SI: variants seen among roughly 807,000 people sequenced by gnomAD.
SI encodes sucrase-isomaltase, also known as sucrase-isomaltase, intestinal.
Under a neutral mutation model 253.3 loss-of-function variants are expected in SI, and 235 were observed. The ratio of observed to expected loss-of-function variants is 0.93; its 90% CI spans 0.83 to 1.03. SI has a LOEUF of 1.03. Ranked by LOEUF, SI falls within the 50% of genes least tolerant of loss-of-function variation. The pLI, the probability that SI is intolerant of heterozygous loss-of-function variation, is 0.00. For missense variants in SI, 2,442 were observed against 2,211.1 expected, an observed-to-expected ratio of 1.10 and a Z score of -2.09; for synonymous variants, 819 against 712.0, an observed-to-expected ratio of 1.15 and a Z score of -2.39.
chr3:165,017,251 G>T (rs1451330523), intron 31 of SI, among the ~76,000 whole-genome samples: 1 of 151,890 alleles, frequency 6.6e-6, no homozygotes, highest in Non-Finnish European at 1.5e-5. Context: ...AGAGAACATA[G>T]TGACTGCCTG....
intron 22 of SI, among the ~76,000 whole-genome samples, chr3:165,035,438 T>C (rs539741584): frequency 4.6e-5 from 7 of 152,032 alleles, no homozygotes; most frequent in South Asian, 4.1e-4. Context: ...ATGTAATTTA[T>C]TTAAATGAAT....
intron 19 of SI, among the ~76,000 whole-genome samples, chr3:165,039,576 G>T (rs536796228): frequency 8.6e-5 from 13 of 151,738 alleles, no homozygotes; most frequent in Non-Finnish European, 1.8e-4. Flanking sequence ...CAATGTATAT[G>T]TCTACTTAAA....
chr3:165,002,639 T>C (rs754279564), intron 37 of SI, among the ~76,000 whole-genome samples: 1 of 151,870 alleles, frequency 6.6e-6, no homozygotes. Context: ...GACTTTACTC[T>C]TCATAATTTG....
chr3:165,026,375 A>G (rs1274994538), intron 25 of SI, among the ~76,000 whole-genome samples: 3 of 151,384 alleles, frequency 2.0e-5, no homozygotes, highest in African/African-American at 7.3e-5. Flanking sequence ...TCAGCAACAC[A>G]GTAATAGTGG....
chr3:165,010,201 C>G (rs1009327407), intron 34 of SI, among the ~76,000 whole-genome samples: 39 of 151,992 alleles, frequency 2.6e-4, no homozygotes, highest in African/African-American at 9.4e-4. Flanking sequence ...CTCTTGTTGC[C>G]CAGGCTGGAG....
chr3:165,036,350 T>A, intron 22 of SI, 39 bp downstream of exon 22: 1 of 1,386,616 alleles, frequency 7.2e-7, no homozygotes, highest in Non-Finnish European at 1.0e-6. Context: ...CTTCCCATTA[T>A]CAGAGTGAAC....
At chr3:164,999,312 A>G (rs1485076815) in intron 37 of SI, among the ~76,000 whole-genome samples, 2 of 151,660 alleles carry the variant, frequency 1.3e-5, no homozygotes, top group South Asian at 2.1e-4. Flanking sequence ...GCATGTTAAA[A>G]TATGTTCTAG....
At chr3:165,086,620 A>G in the SI span, among the ~76,000 whole-genome samples, 813 of 152,332 alleles carry the variant, frequency 5.3e-3, 7 homozygotes, top group South Asian at 0.032. Context: ...TTTATAAGAA[A>G]ACATTTGAAT....
At chr3:165,079,801 A>G (rs370332189), upstream of SI, among the ~76,000 whole-genome samples, 11 of 151,968 alleles carry the variant, frequency 7.2e-5, no homozygotes, top group South Asian at 2.1e-4. Context: ...AGATATAGAC[A>G]GAGATATAAG....
rs761082418 is a variant in SI at position 165,017,744 on chromosome 3, G to A, written c.3633+17C>T. On this transcript the variant is annotated intron_variant, in intron 30 of 47. Coordinates refer to ENST00000264382, the MANE Select transcript of SI (RefSeq NM_001041.4). The stretch of plus-strand genomic sequence containing the variant: ...ATAAAAATTTTTAATTTTTTTAAAA[G>A]AAATATGCAATCATACTTCATGGTA... 6.2e-7 allele frequency: 1 copy of A among 1,601,750 alleles called. No individual in the cohort carries two copies. The highest frequency in any genetic ancestry group is 8.5e-7 in the Non-Finnish European group (1 of 1,171,690).
intron 1 of SI, 151 bp from the exon 2 acceptor site, chr3:165,076,163 T>G: frequency 2.0e-6 from 1 of 504,242 alleles, no homozygotes; most frequent in Non-Finnish European, 3.2e-6. Flanking sequence ...ATTAAGCACT[T>G]ACTTAATAAT....
At chr3:165,082,569 ATAACAATGTGTTTCAT>A, upstream of SI, among the ~76,000 whole-genome samples, 1 of 151,948 alleles carries the variant, frequency 6.6e-6, no homozygotes, top group Non-Finnish European at 1.5e-5. Context: ...TTTTCCCTTC[ATAACAATGTGTTTCAT>A]GCTTGTAGTA....
At chr3:165,027,850 G>T (rs577338744) in intron 25 of SI, among the ~76,000 whole-genome samples, 1 of 151,464 alleles carries the variant, frequency 6.6e-6, no homozygotes, top group Non-Finnish European at 1.5e-5. Context: ...ATGGGGAAAA[G>T]TTGAAAGCAT....
intron 37 of SI, among the ~76,000 whole-genome samples, chr3:165,002,975 T>G (rs1264294258): frequency 6.6e-6 from 1 of 151,810 alleles, no homozygotes; most frequent in African/African-American, 2.4e-5. Context: ...CCATGGAAGA[T>G]TGTGCTGATT....
intron 12 of SI, among the ~76,000 whole-genome samples, chr3:165,057,406 T>G (rs111257183): frequency 1.7e-4 from 25 of 151,136 alleles, no homozygotes; most frequent in Admixed American, 4.0e-4. Context: ...GAGAGAGAGA[T>G]AGAAAGTATA....
intron 47 of SI, among the ~76,000 whole-genome samples, chr3:164,981,926 T>C (rs895883190): frequency 2.0e-5 from 3 of 152,138 alleles, no homozygotes; most frequent in Admixed American, 6.6e-5. Context: ...AATGTTTAAA[T>C]GCAGATATCT....
rs767938195 is a variant in SI at position 164,991,376 on chromosome 3, C to A, written c.5085G>T (p.Glu1695Asp). ...VRGGHILPCQEPAQNTFYSRQ... is the reference protein window; with the variant it reads ...VRGGHILPCQDPAQNTFYSRQ... The stretch of plus-strand genomic sequence containing the variant: ...ACCTGTAAAATGTGTTTTGAGCTGG[C>A]TCTTGACATGGTAGGATGTGACCAC... The change falls in exon 44 of 48, where the codon GAG becomes GAT. Residue 1695 changes from glutamate to aspartate, a missense_variant. Glu to Asp is a conservative substitution (Grantham distance 45). Coordinates refer to ENST00000264382, the MANE Select transcript of SI (RefSeq NM_001041.4). 1 of 1,613,708 alleles carries A rather than the reference C, an allele frequency of 6.2e-7. No individual in the cohort carries two copies. The highest frequency in any genetic ancestry group is 2.2e-5 in the East Asian group (1 of 44,834).
chr3:165,009,964 T>C (rs1718697960), intron 34 of SI, among the ~76,000 whole-genome samples: 1 of 152,162 alleles, frequency 6.6e-6, no homozygotes, highest in Non-Finnish European at 1.5e-5. Flanking sequence ...AACCGTGTTT[T>C]AGCAAAAGAT....
At chr3:165,038,499 G>A (rs2108214855) in intron 20 of SI, among the ~76,000 whole-genome samples, 1 of 151,186 alleles carries the variant, frequency 6.6e-6, no homozygotes, top group Non-Finnish European at 1.5e-5. Flanking sequence ...CACAAGGTCA[G>A]GAGATCGAGA....
Sources: allele counts gnomAD v4.1 joint callset (sites outside exome capture counted in the v4.1 genomes callset), GRCh38; gene constraint gnomAD v4.1.1; transcripts MANE v1.5; gene names NCBI Gene and HGNC (gene_info 2026-07-23, HGNC 2026-07-21).